Variants in AFG2A observed in about 807,000 individuals in gnomAD.
AFG2A encodes the protein AAA ATPase AFG2A, also known as ATPase family gene 2 protein homolog A.
the AFG2A span, among the ~76,000 whole-genome samples, chr4:123,172,181 G>T: frequency 1.3e-5 from 2 of 152,136 alleles, no homozygotes; most frequent in African/African-American, 4.8e-5. Context: ...ACACTGTGTA[G>T]CAGAACTACC....
the AFG2A span, among the ~76,000 whole-genome samples, chr4:123,261,461 A>G: frequency 2.0e-5 from 3 of 152,220 alleles, no homozygotes; most frequent in African/African-American, 4.8e-5. Flanking sequence ...CATGACAACT[A>G]TATAGCATTT....
chr4:123,243,836 G>C, the AFG2A span, among the ~76,000 whole-genome samples: 1 of 151,630 alleles, frequency 6.6e-6, no homozygotes. Context: ...GGGCACCGTA[G>C]GGAGACCCGT....
the AFG2A span, among the ~76,000 whole-genome samples, chr4:123,042,403 G>T: frequency 6.6e-6 from 1 of 152,014 alleles, no homozygotes; most frequent in Admixed American, 6.6e-5. Flanking sequence ...ATTCATGAGG[G>T]CTCCACCCTC....
chr4:123,086,363 C>A, the AFG2A span, among the ~76,000 whole-genome samples: 1 of 152,110 alleles, frequency 6.6e-6, no homozygotes, highest in African/African-American at 2.4e-5. Context: ...TCTTTTTGCT[C>A]ACATGGTTTC....
chr4:122,948,833 C>T, the AFG2A span, among the ~76,000 whole-genome samples: 1 of 152,200 alleles, frequency 6.6e-6, no homozygotes, highest in Non-Finnish European at 1.5e-5. Context: ...GCCATATACT[C>T]CGCACCAGCA....
chr4:122,958,544 A>G, the AFG2A span, among the ~76,000 whole-genome samples: 13 of 152,314 alleles, frequency 8.5e-5, no homozygotes, highest in Admixed American at 5.2e-4. Context: ...ATTCAGGACC[A>G]ATCACTTAGA....
the AFG2A span, among the ~76,000 whole-genome samples, chr4:122,989,456 G>C: frequency 6.6e-6 from 1 of 152,158 alleles, no homozygotes. Flanking sequence ...CACTGGGGCT[G>C]ACCTGGAGCC....
At chr4:123,280,415 T>C in the AFG2A span, among the ~76,000 whole-genome samples, 2 of 152,170 alleles carry the variant, frequency 1.3e-5, no homozygotes, top group Non-Finnish European at 2.9e-5. Context: ...CTGTAACAAA[T>C]TGCCATACAC....
At chr4:123,208,526 T>G in the AFG2A span, among the ~76,000 whole-genome samples, 1 of 152,236 alleles carries the variant, frequency 6.6e-6, no homozygotes, top group Non-Finnish European at 1.5e-5. Context: ...ATATAGCCAC[T>G]GATTTGGATA....
At chr4:123,307,720 C>A in the AFG2A span, among the ~76,000 whole-genome samples, 1 of 152,142 alleles carries the variant, frequency 6.6e-6, no homozygotes, top group Admixed American at 6.5e-5. Context: ...ACATTTCAGT[C>A]AACAATGGAC....
chr4:123,016,815 A>T, the AFG2A span, among the ~76,000 whole-genome samples: 1 of 152,084 alleles, frequency 6.6e-6, no homozygotes, highest in African/African-American at 2.4e-5. Flanking sequence ...ACGCCACTGC[A>T]CTCCAGCCTG....
the AFG2A span, among the ~76,000 whole-genome samples, chr4:122,946,948 A>G: frequency 1.9e-3 from 293 of 152,256 alleles, no homozygotes; most frequent in African/African-American, 5.7e-3. Context: ...AGATGTGAGA[A>G]GTAAGAGAGA....
chr4:123,250,084 T>C, the AFG2A span, among the ~76,000 whole-genome samples: 10 of 152,236 alleles, frequency 6.6e-5, no homozygotes, highest in Admixed American at 5.9e-4. Flanking sequence ...TTTAAATGAA[T>C]GGGAGCCAAT....
chr4:123,126,858 GA>G, the AFG2A span, among the ~76,000 whole-genome samples: 4 of 152,226 alleles, frequency 2.6e-5, no homozygotes, highest in East Asian at 5.8e-4. Flanking sequence ...AACTAATACA[GA>G]GATCAAATCA....
At chr4:123,157,420 T>C in the AFG2A span, among the ~76,000 whole-genome samples, 1 of 152,212 alleles carries the variant, frequency 6.6e-6, no homozygotes, top group Non-Finnish European at 1.5e-5. Context: ...AGGCCACCTC[T>C]ACCCCCTACT....
chr4:123,180,548 A>G, the AFG2A span, among the ~76,000 whole-genome samples: 1 of 152,156 alleles, frequency 6.6e-6, no homozygotes, highest in East Asian at 1.9e-4. Flanking sequence ...TTTGGCATTC[A>G]TACTGTAATT....
chr4:123,269,380 T>C, the AFG2A span, among the ~76,000 whole-genome samples: 239 of 152,332 alleles, frequency 1.6e-3, no homozygotes, highest in Non-Finnish European at 2.6e-3. Flanking sequence ...TTCATTCTTA[T>C]TTCTCAGAAA....
the AFG2A span, among the ~76,000 whole-genome samples, chr4:123,247,400 C>G: frequency 4.6e-5 from 7 of 152,050 alleles, no homozygotes; most frequent in Non-Finnish European, 8.8e-5. Context: ...CTTTGTTTAA[C>G]AGAGCCTATT....
chr4:123,141,715 G>A, the AFG2A span, among the ~76,000 whole-genome samples: 1 of 152,144 alleles, frequency 6.6e-6, no homozygotes, highest in East Asian at 1.9e-4. Flanking sequence ...TTGGAGAAAC[G>A]TCTATGCAAG....
Sources: gnomAD v4.1 joint callset for allele counts (sites outside exome capture counted in the v4.1 genomes callset) on GRCh38, gnomAD v4.1.1 for gene constraint, MANE v1.5 for transcripts, NCBI Gene and HGNC (gene_info 2026-07-23, HGNC 2026-07-21) for gene names.